The following ADAMTS3 variants were observed in gnomAD, a reference collection of about 807,000 sequenced individuals.
The protein encoded by ADAMTS3 is ADAM metallopeptidase with thrombospondin type 1 motif 3.
In ADAMTS3, 73 loss-of-function variants were observed where a neutral mutation model predicts 129.0. That is an observed-to-expected ratio of 0.57 (90% confidence interval 0.47 to 0.69). ADAMTS3 has a LOEUF of 0.69. ADAMTS3 is among the 30% of genes least tolerant of loss of function. The pLI is 0.00. For synonymous variants in ADAMTS3, 477 were observed against 510.8 expected (o/e 0.93, Z 0.89); for missense variants, 1,457 against 1,514.5 (o/e 0.96, Z 0.63).
chr4:72,449,616 T>C lies in ADAMTS3; in HGVS notation c.505-34645A>G, dbSNP rs560598526. On this transcript the variant is annotated intron_variant, in intron 3 of 21. Coordinates refer to ENST00000286657, the MANE Select transcript of ADAMTS3 (RefSeq NM_014243.3). Reference sequence around the variant, plus strand: ...CCTGCCCATCCTCTATTCCATTCTTTACACAGCAAGATGAACATTTTCAAA... The same window carrying C: ...CCTGCCCATCCTCTATTCCATTCTTCACACAGCAAGATGAACATTTTCAAA... 4.6e-5 allele frequency among the ~76,000 whole-genome samples: 7 copies of C among 151,884 alleles called. No individual in the cohort carries two copies. The South Asian group carries it at 1.5e-3, about 32-fold the overall frequency.
chr4:72,507,533 G>T (rs1720195112), intron 3 of ADAMTS3, among the ~76,000 whole-genome samples: 1 of 152,128 alleles, frequency 6.6e-6, no homozygotes, highest in African/African-American at 2.4e-5. Context: ...TTCAATTTCT[G>T]TTAATTACCT....
chr4:72,293,244 G>C (rs970113913), intron 19 of ADAMTS3, among the ~76,000 whole-genome samples: 3 of 152,120 alleles, frequency 2.0e-5, no homozygotes, highest in African/African-American at 7.2e-5. Flanking sequence ...GAAAACAAGG[G>C]TGAAGCCAAG....
intron 4 of ADAMTS3, among the ~76,000 whole-genome samples, chr4:72,363,488 G>A (rs1312648323): frequency 1.3e-5 from 2 of 152,146 alleles, no homozygotes; most frequent in African/African-American, 2.4e-5. Context: ...TTAATGCAAT[G>A]TCAATCAACA....
intron 3 of ADAMTS3, among the ~76,000 whole-genome samples, chr4:72,499,592 C>T (rs1435770921): frequency 1.3e-5 from 2 of 152,098 alleles, no homozygotes; most frequent in Admixed American, 6.6e-5. Flanking sequence ...TCTTCGGGGG[C>T]TCAGGCATTT....
At chr4:72,540,592 T>A (rs1337051049) in intron 3 of ADAMTS3, among the ~76,000 whole-genome samples, 1 of 152,110 alleles carries the variant, frequency 6.6e-6, no homozygotes, top group Non-Finnish European at 1.5e-5. Context: ...GCCCCTACCA[T>A]CACACACCCG....
At chr4:72,474,806 C>A (rs1719181589) in intron 3 of ADAMTS3, among the ~76,000 whole-genome samples, 1 of 151,868 alleles carries the variant, frequency 6.6e-6, no homozygotes, top group African/African-American at 2.4e-5. Flanking sequence ...GCGGGTGGAT[C>A]ACGAGGTCAG....
intron 3 of ADAMTS3, among the ~76,000 whole-genome samples, chr4:72,455,698 T>C (rs1718533583): frequency 6.7e-6 from 1 of 148,164 alleles, no homozygotes; most frequent in Non-Finnish European, 1.5e-5. Context: ...GATTTTTTGA[T>C]GTTAGTGATA....
intron 3 of ADAMTS3, among the ~76,000 whole-genome samples, chr4:72,530,638 T>C (rs1471127636): frequency 9.7e-5 from 8 of 82,708 alleles, no homozygotes; most frequent in Admixed American, 2.1e-4. Flanking sequence ...TTATATAATA[T>C]ATTATATATA....
intron 3 of ADAMTS3, among the ~76,000 whole-genome samples, chr4:72,503,273 A>G (rs749525634): frequency 7.2e-5 from 11 of 152,100 alleles, no homozygotes; most frequent in Non-Finnish European, 1.3e-4. Context: ...CACCCACCTC[A>G]GCCTCCCAAA....
At chr4:72,536,133 T>C (rs753726542) in intron 3 of ADAMTS3, among the ~76,000 whole-genome samples, 19 of 152,150 alleles carry the variant, frequency 1.2e-4, no homozygotes, top group Non-Finnish European at 2.8e-4. Flanking sequence ...CAATAAGAAG[T>C]CTATCATGGT....
intron 3 of ADAMTS3, among the ~76,000 whole-genome samples, chr4:72,434,480 A>G (rs1436731526): frequency 1.3e-5 from 2 of 151,766 alleles, no homozygotes; most frequent in Non-Finnish European, 2.9e-5. Context: ...CTGGAGCTCC[A>G]CTGTAGACTT....
At chr4:72,284,408 G>C (rs1043794825) in intron 21 of ADAMTS3, among the ~76,000 whole-genome samples, 1 of 148,974 alleles carries the variant, frequency 6.7e-6, no homozygotes, top group East Asian at 2.0e-4. Flanking sequence ...TTGTGCCACT[G>C]CACTCCAGCC....
chr4:72,385,936 T>G (rs1425759658), intron 4 of ADAMTS3, among the ~76,000 whole-genome samples: 1 of 152,308 alleles, frequency 6.6e-6, no homozygotes, highest in East Asian at 1.9e-4. Context: ...CAATGATTTT[T>G]TTTTCCTTTT....
intron 3 of ADAMTS3, among the ~76,000 whole-genome samples, chr4:72,444,190 G>C (rs564747167): frequency 6.6e-6 from 1 of 151,796 alleles, no homozygotes; most frequent in South Asian, 2.1e-4. Context: ...TGCACAGACA[G>C]TTCCTTCTCC....
chr4:72,294,989 A>G (rs989756008), intron 19 of ADAMTS3, among the ~76,000 whole-genome samples: 1 of 152,058 alleles, frequency 6.6e-6, no homozygotes, highest in Non-Finnish European at 1.5e-5. Context: ...ATTTCTATGG[A>G]GACTAAAGTG....
intron 13 of ADAMTS3, 187 bp downstream of exon 13, chr4:72,312,104 A>G (rs1719250712): frequency 5.0e-6 from 3 of 598,424 alleles, no homozygotes; most frequent in Non-Finnish European, 8.7e-6. Context: ...CTATTGCACC[A>G]TTCTTACCTC....
chr4:72,378,683 T>G (rs761632016), intron 4 of ADAMTS3, among the ~76,000 whole-genome samples: 9 of 152,052 alleles, frequency 5.9e-5, no homozygotes, highest in Non-Finnish European at 1.2e-4. Flanking sequence ...TTATAATGAT[T>G]ATCACTATTC....
intron 16 of ADAMTS3, among the ~76,000 whole-genome samples, chr4:72,304,427 T>G (rs920313942): frequency 6.6e-6 from 1 of 152,156 alleles, no homozygotes; most frequent in Non-Finnish European, 1.5e-5. Flanking sequence ...TTGAAAATGA[T>G]AGCTACCTTT....
At chr4:72,304,719 TAATG>T (rs1451850130) in intron 16 of ADAMTS3, among the ~76,000 whole-genome samples, 4 of 152,022 alleles carry the variant, frequency 2.6e-5, no homozygotes, top group Admixed American at 2.6e-4. Flanking sequence ...GAGTAAAAAA[TAATG>T]AATGGGATTT....
Sources: gnomAD v4.1 joint callset for allele counts (sites outside exome capture counted in the v4.1 genomes callset) on GRCh38, gnomAD v4.1.1 for gene constraint, MANE v1.5 for transcripts, NCBI Gene and HGNC (gene_info 2026-07-23, HGNC 2026-07-21) for gene names.